The following SS18L1 variants were observed in gnomAD, a reference collection of about 807,000 sequenced individuals.
The protein encoded by SS18L1 is SS18L1 subunit of BAF chromatin remodeling complex, also known as calcium-responsive transactivator.
A neutral mutation model predicts 70.3 loss-of-function variants in SS18L1; 32 were observed. The observed-to-expected ratio is 0.46, with a 90% CI of 0.34 to 0.61. The LOEUF is 0.61. SS18L1 is among the 20% of genes least tolerant of loss of function. The pLI, the probability that SS18L1 is intolerant of heterozygous loss-of-function variation, is 0.01. For synonymous variants in SS18L1, 237 were observed against 229.7 expected (o/e 1.03, Z -0.29); for missense variants, 430 against 542.1 (o/e 0.79, Z 2.05).
chr20:62,157,343 C>T (rs992772741), intron 1 of SS18L1, among the ~76,000 whole-genome samples: 1 of 152,196 alleles, frequency 6.6e-6, no homozygotes, highest in South Asian at 2.1e-4. Context: ...CCACAGAGCA[C>T]GTTCAGGAGG....
rs34708339 is a variant in SS18L1, at chr20:62,150,633, A to ATTTTTTTTTTTT, written c.69+6770_69+6781dup. ...CGGAGCATAAGAAACATTGAGGTGGATTTTTTTTTTTTTTTTTTTTTTTTT... is the reference window on the plus strand; with the variant it reads ...CGGAGCATAAGAAACATTGAGGTGGATTTTTTTTTTTTTTTTTTTTTTTTTTTTTTTTTTTTT... On this transcript the variant is annotated intron_variant, in intron 1 of 10. Coordinates refer to ENST00000331758, the MANE Select transcript of SS18L1 (RefSeq NM_198935.3). Among the ~76,000 whole-genome samples, 32 of 58,052 alleles carry ATTTTTTTTTTTT rather than the reference A, an allele frequency of 5.5e-4. 8 individuals carry two copies. Among genetic ancestry groups the ATTTTTTTTTTTT allele is most frequent in the South Asian group, 1.1e-3 (2 of 1,756 alleles). 38.1% of individuals were successfully genotyped at this position (58,052 alleles called of 152,430 possible). A position where few individuals can be genotyped will look rare whatever the true frequency, so the allele number is the denominator to read the frequency against.
In SS18L1 at chr20:62,164,209, C is replaced by G. The variant is rs377486890; in HGVS notation, c.786C>G (p.Gly262=). The G allele has an allele frequency of 4.5e-6, 7 of 1,549,714 alleles. No individual in the cohort carries two copies. In the African/African-American group the frequency reaches 9.6e-5, roughly 21 times the overall value. The change falls in exon 7 of 11, where the codon GGC becomes GGG. Residue 262 remains glycine, a synonymous_variant. Coordinates refer to ENST00000331758, the MANE Select transcript of SS18L1 (RefSeq NM_198935.3). ...GCGAGCAGTACAGCCACAGCCAGGG[C>G]GCCGCGGAGCCCATGGGCCAGCAGT... is the stretch of plus-strand genomic sequence containing the variant. ...YYGEQYSHSQ[G]AAEPMGQQYY... is the part of the protein sequence containing the mutation.
chr20:62,165,271 T>G, intron 7 of SS18L1, 151 bp from the exon 8 acceptor site: 1 of 666,386 alleles, frequency 1.5e-6, no homozygotes, highest in South Asian at 1.9e-5. Flanking sequence ...GCTCAGGAGG[T>G]TGGGGCATGG....
chr20:62,144,814 T>C (rs2056994362), intron 1 of SS18L1, among the ~76,000 whole-genome samples: 1 of 152,264 alleles, frequency 6.6e-6, no homozygotes, highest in Non-Finnish European at 1.5e-5. Context: ...TGTCACAACA[T>C]CTGTTGGAAT....
intron 10 of SS18L1, 106 bp from the exon 11 acceptor site, chr20:62,179,072 GTTGT>G: frequency 8.4e-7 from 1 of 1,196,050 alleles, no homozygotes; most frequent in Non-Finnish European, 1.2e-6. Flanking sequence ...GTGAGCAGAG[GTTGT>G]TTGCTTGCTG....
At position 62,146,604 on chromosome 20, in the gene SS18L1, C is replaced by CTTTTTTTTTTTTTTTT. The variant is rs1339898731; in HGVS notation, c.69+2715_69+2716insTTTTTTTTTTTTTTTT. 9.4e-4 allele frequency among the ~76,000 whole-genome samples: 32 copies of CTTTTTTTTTTTTTTTT among 34,148 alleles called. 1 individual carries two copies. The highest frequency in any genetic ancestry group is 3.2e-3 in the African/African-American group (27 of 8,408). The allele number at this position is 34,148 out of a possible 152,430, so 22.4% of individuals were successfully genotyped here. On this transcript the variant is annotated intron_variant, in intron 1 of 10. Coordinates refer to ENST00000331758, the MANE Select transcript of SS18L1 (RefSeq NM_198935.3). ...GCATCCAGCGTGTCTCTGCTTTGATCATTTTTTTTTTTTTTTTTTTTTGAG... is the reference window on the plus strand; with the variant it reads ...GCATCCAGCGTGTCTCTGCTTTGATCTTTTTTTTTTTTTTTTATTTTTTTTTTTTTTTTTTTTTGAG...
chr20:62,151,320 C>T (rs914768374), intron 1 of SS18L1, among the ~76,000 whole-genome samples: 2 of 152,314 alleles, frequency 1.3e-5, no homozygotes, highest in African/African-American at 4.8e-5. Flanking sequence ...CCTGGGCCCT[C>T]CAAGCCAAGC....
chr20:62,145,567 C>T (rs1042378444), intron 1 of SS18L1, among the ~76,000 whole-genome samples: 3 of 152,240 alleles, frequency 2.0e-5, no homozygotes, highest in Admixed American at 2.0e-4. Context: ...GCACTTCGCA[C>T]ACAGTTCCAT....
At position 62,161,658 on chromosome 20, in the gene SS18L1, G is replaced by T. The variant is rs952682117; in HGVS notation, c.376+78G>T. The T allele has an allele frequency of 6.5e-7, 1 of 1,535,062 alleles. No individual in the cohort carries two copies. Among genetic ancestry groups the T allele is most frequent in the Non-Finnish European group, 8.8e-7 (1 of 1,136,468 alleles). On this transcript the variant is annotated intron_variant, in intron 4 of 10. Transcript: ENST00000331758. The surrounding 1 kb of genome is among the most constrained non-coding windows in gnomAD (Gnocchi z 4.4). ...CCCTTGGGCAGCCGGCTGCCATGGT[G>T]GGGCACCCCACCCCTCACAGGGCTG...
intron 1 of SS18L1, among the ~76,000 whole-genome samples, chr20:62,152,907 G>GA (rs2057159316): frequency 6.6e-6 from 1 of 152,186 alleles, no homozygotes; most frequent in African/African-American, 2.4e-5. Flanking sequence ...TTTTGCTTTG[G>GA]ATTTTATGCT....
chr20:62,164,548 T>C (rs959900222), intron 7 of SS18L1, among the ~76,000 whole-genome samples: 1 of 152,190 alleles, frequency 6.6e-6, no homozygotes, highest in Non-Finnish European at 1.5e-5. Flanking sequence ...GGCGGATAAT[T>C]GTAGCTCCTA....
intron 1 of SS18L1, among the ~76,000 whole-genome samples, chr20:62,153,351 C>T (rs1464850159): frequency 1.3e-5 from 2 of 152,180 alleles, no homozygotes; most frequent in Admixed American, 6.5e-5. Context: ...GCATGAGTAA[C>T]CTCAGGAGTA....
In SS18L1 at chr20:62,164,239, C is replaced by A; in HGVS notation, c.816C>A (p.Tyr272Ter). The A allele has an allele frequency of 6.5e-7, 1 of 1,547,898 alleles. No individual in the cohort carries two copies. The highest frequency in any genetic ancestry group is 8.7e-7 in the Non-Finnish European group (1 of 1,145,712). ...CGGAGCCCATGGGCCAGCAGTACTA[C>A]CCCGACGGTGAGCACTGGCGGCGGC... ...GAAEPMGQQY[Y>*]PDGHGDYAYQ... Residue 272 changes from tyrosine (Y) to a stop codon, truncating the protein, a stop_gained, in exon 7 of 11, where the codon TAC becomes TAA. Transcript: ENST00000331758. LOFTEE classifies it high-confidence loss of function.
intron 1 of SS18L1, among the ~76,000 whole-genome samples, chr20:62,145,943 C>T (rs750166576): frequency 1.3e-5 from 2 of 152,168 alleles, no homozygotes; most frequent in Non-Finnish European, 2.9e-5. Context: ...CCCTCTGAAG[C>T]CTGCGTGGTA....
intron 10 of SS18L1, among the ~76,000 whole-genome samples, chr20:62,176,121 C>T (rs897662458): frequency 1.3e-5 from 2 of 152,268 alleles, no homozygotes; most frequent in African/African-American, 4.8e-5. Context: ...ATACCTCCTT[C>T]ATACAGTCCT....
In SS18L1 at chr20:62,180,037, G is replaced by T. The variant is rs1370488356; in HGVS notation, c.*829G>T. ...AGAGATTACTCTGGCTTTGACCCTT[G>T]TTTAGCTGATGGTCATTTCTGGGAT... On this transcript the variant is annotated 3_prime_UTR_variant, in exon 11 of 11. Transcript: ENST00000331758. 4.6e-6 allele frequency: 1 copy of T among 217,848 alleles called. No individual in the cohort carries two copies. Among genetic ancestry groups the T allele is most frequent in the African/African-American group, 2.3e-5 (1 of 44,400 alleles). 13.5% of individuals were successfully genotyped at this position (217,848 alleles called of 1,614,324 possible).
At chr20:62,163,701 T>TCGGGGAGCCTGGGGGTGTGAGG in intron 6 of SS18L1, 79 bp downstream of exon 6, 1 of 1,445,082 alleles carries the variant, frequency 6.9e-7, no homozygotes, top group African/African-American at 1.4e-5. Context: ...GTGCTTCTCT[T>TCGGGGAGCCTGGGGGTGTGAGG]CGGGGAGCCT....
At chr20:62,166,087 C>T (rs558714623) in intron 8 of SS18L1, among the ~76,000 whole-genome samples, 1 of 152,254 alleles carries the variant, frequency 6.6e-6, no homozygotes, top group African/African-American at 2.4e-5. Flanking sequence ...TCTGTGCCCC[C>T]ACCCTGGCTG....
intron 8 of SS18L1, 124 bp from the exon 9 acceptor site, chr20:62,172,558 A>C (rs2057550412): frequency 7.1e-7 from 1 of 1,417,828 alleles, no homozygotes; most frequent in Non-Finnish European, 9.8e-7. Flanking sequence ...GTGAAAAAAT[A>C]AACATGCCGA....
Sources: allele counts gnomAD v4.1 joint callset (sites outside exome capture counted in the v4.1 genomes callset), GRCh38; gene constraint gnomAD v4.1.1; non-coding constraint Gnocchi (gnomAD v3.1); transcripts MANE v1.5; gene names NCBI Gene and HGNC (gene_info 2026-07-23, HGNC 2026-07-21).